Variants in PIH1D2 observed in about 807,000 individuals in gnomAD.
PIH1D2 encodes PIH1 domain-containing protein 2.
In PIH1D2, 25 loss-of-function variants were observed where a neutral mutation model predicts 31.2. That is an observed-to-expected ratio of 0.80 (90% CI 0.58 to 1.12). The LOEUF is 1.12. PIH1D2 is among the 50% of genes most tolerant of loss of function. The probability of loss-of-function intolerance (pLI) is 0.00; values close to 1 mark genes in which losing one functional copy is unlikely to be tolerated. For missense variants in PIH1D2, 310 were observed against 356.6 expected, an observed-to-expected ratio of 0.87 and a Z score of 1.05; for synonymous variants, 116 against 119.9, an observed-to-expected ratio of 0.97 and a Z score of 0.21.
At chr11:112,060,613 CCTGA>C (rs1864530988), downstream of PIH1D2, among the ~76,000 whole-genome samples, 1 of 151,884 alleles carries the variant, frequency 6.6e-6, no homozygotes, top group Non-Finnish European at 1.5e-5. Context: ...CACCACTGCA[CCTGA>C]CTAATTTTGT....
chr11:112,062,423 T>C, downstream of PIH1D2: 4 of 1,612,586 alleles, frequency 2.5e-6, no homozygotes. Flanking sequence ...GTGGCTAGCA[T>C]GATGTCTGTT....
In PIH1D2 at chr11:112,068,020, C is replaced by T. The variant is rs782070860; in HGVS notation, c.814-15G>A. 31 of 1,497,998 alleles carry T rather than the reference C, an allele frequency of 2.1e-5. No homozygotes were observed. In the South Asian group the frequency reaches 3.3e-4, roughly 16 times the overall value. 92.8% of individuals were successfully genotyped at this position (1,497,998 alleles called of 1,614,324 possible). ...AATAAATCATCCTAAGAATAATAAA[C>T]CAAGAGATTTATTTCCTGCTTAAAA... On this transcript the variant is annotated splice_polypyrimidine_tract_variant and intron_variant, in intron 5 of 5. Coordinates refer to ENST00000280350, the MANE Select transcript of PIH1D2 (RefSeq NM_138789.4).
downstream of PIH1D2, among the ~76,000 whole-genome samples, chr11:112,066,893 T>G (rs587765535): frequency 1.3e-5 from 2 of 151,992 alleles, no homozygotes; most frequent in African/African-American, 4.8e-5. Context: ...TGAAACCCTT[T>G]CTCTACTAAA....
the PIH1D2 span, among the ~76,000 whole-genome samples, chr11:112,055,353 C>T: frequency 4.0e-5 from 6 of 148,152 alleles, no homozygotes; most frequent in African/African-American, 1.2e-4. Context: ...ATGCCGTTCT[C>T]CTGCCTCAGC....
the PIH1D2 span, among the ~76,000 whole-genome samples, chr11:112,055,847 A>C: frequency 9.9e-4 from 49 of 49,682 alleles, no homozygotes; most frequent in African/African-American, 3.1e-3. Context: ...GCATATAGAC[A>C]CTTTTTTTTT....
Position 112,073,156 on chromosome 11 carries a change from C to G in PIH1D2, c.19G>C (p.Gly7Arg), listed in dbSNP as rs1555185067. Reference sequence around the variant, plus strand: ...AACTGAGTAACTTGGGTAAGCAGACCTTTTGAGGATGTCTCCATGACTTAT... The same window carrying G: ...AACTGAGTAACTTGGGTAAGCAGACGTTTTGAGGATGTCTCCATGACTTAT... Reference protein sequence around the residue: METSSKGLLTQVTQFWN... With the variant: METSSKRLLTQVTQFWN... The change falls in exon 2 of 6, where the codon GGT becomes CGT. Residue 7 changes from glycine (G) to arginine (R), a missense_variant. Transcript: ENST00000280350. 6.2e-7 allele frequency: 1 copy of G among 1,612,122 alleles called. No homozygotes were observed. Among genetic ancestry groups the G allele is most frequent in the East Asian group, 2.2e-5 (1 of 44,836 alleles).
downstream of PIH1D2, among the ~76,000 whole-genome samples, chr11:112,065,736 G>A (rs1424194462): frequency 6.6e-6 from 1 of 152,116 alleles, no homozygotes; most frequent in Non-Finnish European, 1.5e-5. Context: ...ATCCCAACAC[G>A]TTGGGAGGCC....
downstream of PIH1D2, among the ~76,000 whole-genome samples, chr11:112,060,821 A>G (rs1395829460): frequency 2.0e-5 from 3 of 152,188 alleles, no homozygotes; most frequent in African/African-American, 7.2e-5. Context: ...ATTCAATCAT[A>G]TATCCAAAAG....
At chr11:112,065,063 A>T (rs1555183699), downstream of PIH1D2, among the ~76,000 whole-genome samples, 1 of 151,828 alleles carries the variant, frequency 6.6e-6, no homozygotes, top group Non-Finnish European at 1.5e-5. Flanking sequence ...GATGGTCTCT[A>T]TCTCCTGACC....
downstream of PIH1D2, chr11:112,059,993 A>C (rs782815858): frequency 1.2e-6 from 2 of 1,614,054 alleles, no homozygotes; most frequent in Non-Finnish European, 1.7e-6. Flanking sequence ...AAGGAGTGGA[A>C]ACCATTGCTA....
the PIH1D2 span, among the ~76,000 whole-genome samples, chr11:112,054,506 G>A: frequency 1.1e-4 from 16 of 152,178 alleles, no homozygotes; most frequent in South Asian, 2.3e-3. Flanking sequence ...AGTTTTCTAC[G>A]TATATGTGAA....
Position 112,071,238 on chromosome 11 carries a change from T to C in PIH1D2, c.347A>G (p.His116Arg). ...IDVAYNPDVL[H>R]AAEKDQVKKN... is the part of the protein sequence containing the mutation. ...TTTCACTTGGTCCTTTTCTGCTGCA[T>C]GAAGAACATCAGGATTGTAGGCAAC... The change falls in exon 4 of 6, where the codon CAT becomes CGT. Residue 116 changes from histidine to arginine, a missense_variant. His to Arg is a conservative substitution (Grantham distance 29). Coordinates refer to ENST00000280350, the MANE Select transcript of PIH1D2 (RefSeq NM_138789.4). 1 of 1,613,754 alleles carries C rather than the reference T, an allele frequency of 6.2e-7. No individual in the cohort carries two copies. Among genetic ancestry groups the C allele is most frequent in the East Asian group, 2.2e-5 (1 of 44,820 alleles).
downstream of PIH1D2, chr11:112,062,701 C>A (rs1864712504): frequency 4.1e-6 from 3 of 738,958 alleles, no homozygotes; most frequent in African/African-American, 1.8e-5. Context: ...TTTTAAAATG[C>A]CGATTACACC....
At position 112,070,693 on chromosome 11, in the gene PIH1D2, G is replaced by A; in HGVS notation, c.556C>T (p.Leu186Phe). Reference protein sequence around the residue: ...LREKMRRELTLGQIRSSTMSN... With the variant: ...LREKMRRELTFGQIRSSTMSN... ...ATAGTACTGCTTCGTATCTGTCCAA[G>A]AGTTAGTTCTTTATGAAAAAAAGGG... Residue 186 changes from leucine (L) to phenylalanine (F), a missense_variant, in exon 5 of 6, where the codon CTT becomes TTT. Coordinates refer to ENST00000280350, the MANE Select transcript of PIH1D2 (RefSeq NM_138789.4). 6.2e-7 allele frequency: 1 copy of A among 1,610,370 alleles called. No homozygotes were observed. The highest frequency in any genetic ancestry group is 1.7e-5 in the Admixed American group (1 of 59,534).
At chr11:112,060,006 G>A (rs1431901682), downstream of PIH1D2, 1 of 1,613,906 alleles carries the variant, frequency 6.2e-7, no homozygotes, top group Non-Finnish European at 8.5e-7. Flanking sequence ...CATTGCTAAT[G>A]ATGTTGTTTC....
chr11:112,069,456 C>T (rs1244598032), intron 5 of PIH1D2, among the ~76,000 whole-genome samples: 1 of 152,042 alleles, frequency 6.6e-6, no homozygotes, highest in Non-Finnish European at 1.5e-5. Context: ...AAAATGCTAC[C>T]AGCCTGGACT....
At chr11:112,060,647 G>A (rs1463462563), downstream of PIH1D2, among the ~76,000 whole-genome samples, 1 of 151,860 alleles carries the variant, frequency 6.6e-6, no homozygotes, top group Non-Finnish European at 1.5e-5. Flanking sequence ...TATGTTTTTA[G>A]TAGTGTCGGG....
the PIH1D2 span, among the ~76,000 whole-genome samples, chr11:112,055,404 C>T: frequency 2.6e-5 from 4 of 151,818 alleles, no homozygotes; most frequent in South Asian, 2.1e-4. Context: ...CCACCACGCC[C>T]GGCTAATTTT....
intron 2 of PIH1D2, 129 bp downstream of exon 2, chr11:112,072,869 C>G: frequency 2.1e-6 from 2 of 960,654 alleles, no homozygotes; most frequent in Non-Finnish European, 2.9e-6. Context: ...TCTCAAAAAA[C>G]AAAACAAAAC....
Sources: allele counts gnomAD v4.1 joint callset (sites outside exome capture counted in the v4.1 genomes callset), GRCh38; gene constraint gnomAD v4.1.1; transcripts MANE v1.5; gene names NCBI Gene and HGNC (gene_info 2026-07-23, HGNC 2026-07-21).